LINGO1: variants seen among roughly 807,000 people sequenced by gnomAD.
The protein encoded by LINGO1 is leucine-rich repeat and immunoglobulin-like domain-containing nogo receptor-interacting protein 1.
Under a neutral mutation model 37.3 loss-of-function variants are expected in LINGO1, and 11 were observed. The ratio of observed to expected loss-of-function variants is 0.29; its 90% CI spans 0.19 to 0.49. The LOEUF is 0.49. Among genes scored for constraint, LINGO1 ranks in the 20% least tolerant of loss-of-function variants. The pLI is 0.99. For missense variants in LINGO1, 585 were observed against 878.2 expected (o/e 0.67, Z 4.22); for synonymous variants, 387 against 403.0 (o/e 0.96, Z 0.48).
chr15:77,620,074 C>T (rs1400292326), intron 1 of LINGO1, among the ~76,000 whole-genome samples: 1 of 151,642 alleles, frequency 6.6e-6, no homozygotes, highest in African/African-American at 2.4e-5. Flanking sequence ...TGCGGGGTCA[C>T]CCAAACTGCT....
At chr15:77,660,950 T>G (rs1356486922) in intron 3 of LINGO1, among the ~76,000 whole-genome samples, 1 of 152,010 alleles carries the variant, frequency 6.6e-6, no homozygotes, top group Non-Finnish European at 1.5e-5. Flanking sequence ...CAGGGAGAGT[T>G]TGGGGAGACA....
At chr15:77,706,922 C>A (rs62009151) in intron 2 of LINGO1, among the ~76,000 whole-genome samples, 58,648 of 152,166 alleles carry the variant, frequency 0.39, 11,671 homozygotes, top group Admixed American at 0.51. Context: ...AGAGGAGATG[C>A]TGGCAGGAGA....
intron 2 of LINGO1, among the ~76,000 whole-genome samples, chr15:77,726,595 T>C (rs11629729): frequency 0.5 from 75,812 of 152,070 alleles, 19,068 homozygotes; most frequent in Admixed American, 0.6. Flanking sequence ...AAAATTAACT[T>C]CAAATGGGTG....
rs142727716 is a variant in LINGO1, at chr15:77,718,887, T to C, written c.-195+16105A>G. 4.1e-3 allele frequency among the ~76,000 whole-genome samples: 616 copies of C among 150,742 alleles called. 17 individuals carry two copies. Among genetic ancestry groups the C allele is most frequent in the African/African-American group, 0.014 (576 of 41,474 alleles). On this transcript the variant is annotated intron_variant, in intron 2 of 3. Transcript: ENST00000561686. Reference sequence around the variant, plus strand: ...CACAGCATCTTCCTCAACCAGGTGGTAGGGCGAGAAGAAGCTCCTAACCTT... The same window carrying C: ...CACAGCATCTTCCTCAACCAGGTGGCAGGGCGAGAAGAAGCTCCTAACCTT...
At chr15:77,782,212 TACACACACACACAC>T (rs56734688) in intron 1 of LINGO1, among the ~76,000 whole-genome samples, 237 of 150,152 alleles carry the variant, frequency 1.6e-3, no homozygotes, top group African/African-American at 5.6e-3. Context: ...TGCGCACGCG[TACACACACACACAC>T]ACACACACAC....
upstream of LINGO1, among the ~76,000 whole-genome samples, chr15:77,697,385 C>T (rs2075710272): frequency 6.6e-6 from 1 of 152,186 alleles, no homozygotes; most frequent in Non-Finnish European, 1.5e-5. Flanking sequence ...GATGCAGCCA[C>T]TGCTGTTGCA....
chr15:77,685,161 TG>T (rs1420158958), intron 2 of LINGO1, among the ~76,000 whole-genome samples: 4 of 13,316 alleles, frequency 3.0e-4, no homozygotes, highest in Admixed American at 2.4e-3. Flanking sequence ...GGGGATGGGG[TG>T]GGTGGGTATG....
intron 3 of LINGO1, among the ~76,000 whole-genome samples, chr15:77,645,718 C>T (rs190251530): frequency 6.6e-6 from 1 of 152,366 alleles, no homozygotes; most frequent in Non-Finnish European, 1.5e-5. Context: ...AGAGAGCTGG[C>T]TCCAGACCCG....
At chr15:77,655,420 T>G (rs2074844783) in intron 3 of LINGO1, among the ~76,000 whole-genome samples, 1 of 152,018 alleles carries the variant, frequency 6.6e-6, no homozygotes, top group South Asian at 2.1e-4. Flanking sequence ...CTCCCTACAA[T>G]GCCACCTCCC....
chr15:77,654,307 TC>T (rs2074823201), intron 3 of LINGO1, among the ~76,000 whole-genome samples: 1 of 152,160 alleles, frequency 6.6e-6, no homozygotes. Flanking sequence ...GCCTGACTGC[TC>T]CAGTGCCACT....
intron 1 of LINGO1, among the ~76,000 whole-genome samples, chr15:77,691,411 T>C (rs566755947): frequency 6.6e-6 from 1 of 152,138 alleles, no homozygotes; most frequent in South Asian, 2.1e-4. Flanking sequence ...CTTCCCACCA[T>C]GGCCTCGTGT....
chr15:77,725,154 C>A (rs2076090379), intron 2 of LINGO1, among the ~76,000 whole-genome samples: 1 of 152,242 alleles, frequency 6.6e-6, no homozygotes, highest in Non-Finnish European at 1.5e-5. Context: ...TGCTGACTTT[C>A]TGCCCCAGGA....
upstream of LINGO1, among the ~76,000 whole-genome samples, chr15:77,792,010 C>G (rs1231722847): frequency 6.6e-6 from 1 of 152,138 alleles, no homozygotes; most frequent in Admixed American, 6.5e-5. Flanking sequence ...GGCTCAGAGG[C>G]TTCAGATACC....
At chr15:77,717,809 C>T (rs117193688) in intron 2 of LINGO1, among the ~76,000 whole-genome samples, 5,704 of 150,838 alleles carry the variant, frequency 0.038, 437 homozygotes, top group Non-Finnish European at 0.056. Flanking sequence ...TGGATACCTA[C>T]AGTCTGGCTC....
chr15:77,731,102 T>A (rs2076150523), intron 2 of LINGO1, among the ~76,000 whole-genome samples: 1 of 152,220 alleles, frequency 6.6e-6, no homozygotes, highest in Non-Finnish European at 1.5e-5. Context: ...ATTTTTATTA[T>A]TCCGGGTACC....
At chr15:77,782,400 C>T (rs1423208910) in intron 1 of LINGO1, among the ~76,000 whole-genome samples, 4 of 152,160 alleles carry the variant, frequency 2.6e-5, no homozygotes, top group Non-Finnish European at 5.9e-5. Context: ...CTAAAGACTG[C>T]GGTGAGCCCC....
At chr15:77,792,652 T>A (rs2076827343) in intron 2 of LINGO1, among the ~76,000 whole-genome samples, 2 of 152,208 alleles carry the variant, frequency 1.3e-5, no homozygotes, top group African/African-American at 4.8e-5. Context: ...CCAACCTTAT[T>A]TTTCTCTGTG....
intron 1 of LINGO1, among the ~76,000 whole-genome samples, chr15:77,780,349 G>C (rs1217693821): frequency 2.0e-5 from 3 of 152,114 alleles, no homozygotes; most frequent in African/African-American, 7.2e-5. Context: ...TGGCCAACAC[G>C]CAGCCTAGGC....
chr15:77,676,932 G>A (rs1193528722), intron 3 of LINGO1, among the ~76,000 whole-genome samples: 2 of 152,158 alleles, frequency 1.3e-5, no homozygotes, highest in African/African-American at 2.4e-5. Context: ...CTGCTGCTAG[G>A]GCCTTCAAAC....
Sources: allele counts gnomAD v4.1 joint callset (sites outside exome capture counted in the v4.1 genomes callset), GRCh38; gene constraint gnomAD v4.1.1; transcripts MANE v1.5; gene names NCBI Gene and HGNC (gene_info 2026-07-23, HGNC 2026-07-21).